Variants in YEATS2 observed in about 807,000 individuals in gnomAD.
YEATS2 encodes YEATS domain-containing protein 2.
YEATS2 carries 77 observed loss-of-function variants against 163.2 expected under a neutral mutation model. The observed-to-expected ratio is 0.47, with a 90% confidence interval of 0.39 to 0.57. The LOEUF (loss-of-function observed/expected upper bound fraction) is 0.57. Among genes scored for constraint, YEATS2 ranks in the 20% least tolerant of loss-of-function variants. YEATS2 has a pLI of 0.00. For synonymous variants in YEATS2, 631 were observed against 645.1 expected, an observed-to-expected ratio of 0.98 and a Z score of 0.33; for missense variants, 1,549 against 1,729.8, an observed-to-expected ratio of 0.90 and a Z score of 1.85.
intron 7 of YEATS2, among the ~76,000 whole-genome samples, chr3:183,734,040 C>T (rs1283324825): frequency 1.3e-5 from 2 of 152,162 alleles, no homozygotes; most frequent in Non-Finnish European, 2.9e-5. Flanking sequence ...ACCTTCGTAT[C>T]TGTTTTATTT....
At chr3:183,715,318 A>G in intron 2 of YEATS2, 56 bp downstream of exon 2, 1 of 1,230,882 alleles carries the variant, frequency 8.1e-7, no homozygotes, top group African/African-American at 1.6e-5. Context: ...TCCGCTAGAA[A>G]ACTTACAGGA....
At chr3:183,698,637 C>T (rs777690514) in intron 1 of YEATS2, among the ~76,000 whole-genome samples, 1 of 152,180 alleles carries the variant, frequency 6.6e-6, no homozygotes, top group South Asian at 2.1e-4. Flanking sequence ...AGAGAAATGC[C>T]ATCAGCAATC....
chr3:183,737,197 C>T (rs527426904), intron 8 of YEATS2, among the ~76,000 whole-genome samples: 1 of 152,168 alleles, frequency 6.6e-6, no homozygotes, highest in East Asian at 1.9e-4. Context: ...ATTGAGTAGG[C>T]TGAGGAAGAG....
In YEATS2 at chr3:183,801,444, A is replaced by G. The variant is rs375270135; in HGVS notation, c.3429-11A>G. The G allele has an allele frequency of 6.3e-7, 1 of 1,590,698 alleles. No homozygotes were observed. The highest frequency in any genetic ancestry group is 8.5e-7 in the Non-Finnish European group (1 of 1,170,112). ...TAATTTATTGCCTTAATTTTTTTTT[A>G]TCTCTCTCAGGATAGACCATTTAGA... On this transcript the variant is annotated splice_polypyrimidine_tract_variant and intron_variant, in intron 24 of 30. Transcript: ENST00000305135.
intron 1 of YEATS2, among the ~76,000 whole-genome samples, chr3:183,713,618 G>A (rs532653911): frequency 5.3e-5 from 8 of 152,180 alleles, no homozygotes; most frequent in Admixed American, 1.3e-4. Flanking sequence ...AATTCTGTAC[G>A]TGGCTCATGT....
In YEATS2 at chr3:183,786,132, A is replaced by G; in HGVS notation, c.2744A>G (p.His915Arg). The G allele has an allele frequency of 3.7e-6, 6 of 1,612,822 alleles. No homozygotes were observed. The highest frequency in any genetic ancestry group is 5.1e-6 in the Non-Finnish European group (6 of 1,178,916). The part of the protein sequence containing the change: ...QKTTLFTQAA[H>R]GGQASLMKIS... ...CCCATCTTGTTTCTGCAGGCAGCCC[A>G]TGGAGGACAGGCATCTCTAATGAAA... Residue 915 changes from histidine (H) to arginine (R), a missense_variant, in exon 20 of 31, where the codon CAT becomes CGT. His to Arg is a conservative substitution (Grantham distance 29). Coordinates refer to ENST00000305135, the MANE Select transcript of YEATS2 (RefSeq NM_018023.5).
At chr3:183,808,673 TG>T in intron 29 of YEATS2, 1 of 179,472 alleles carries the variant, frequency 5.6e-6, no homozygotes, top group Admixed American at 5.8e-5. Flanking sequence ...CTGGCCAACA[TG>T]GTGAAACCCC....
At chr3:183,789,235 T>C (rs544027071) in intron 20 of YEATS2, among the ~76,000 whole-genome samples, 1 of 152,304 alleles carries the variant, frequency 6.6e-6, no homozygotes, top group African/African-American at 2.4e-5. Flanking sequence ...TAATGTTTTC[T>C]TGTAGTAGTT....
chr3:183,765,379 A>G (rs1428549420), intron 15 of YEATS2, among the ~76,000 whole-genome samples: 1 of 152,162 alleles, frequency 6.6e-6, no homozygotes, highest in Non-Finnish European at 1.5e-5. Flanking sequence ...ATGCTGAACA[A>G]CTGTACTGAC....
At chr3:183,701,734 A>G (rs904905270) in intron 1 of YEATS2, among the ~76,000 whole-genome samples, 2 of 152,200 alleles carry the variant, frequency 1.3e-5, no homozygotes, top group Admixed American at 6.5e-5. Flanking sequence ...TTATATTTCA[A>G]TTAAAAAAGT....
intron 12 of YEATS2, among the ~76,000 whole-genome samples, chr3:183,757,364 C>T (rs989355504): frequency 6.6e-6 from 1 of 152,108 alleles, no homozygotes; most frequent in Non-Finnish European, 1.5e-5. Context: ...GATCTCGGCT[C>T]ACTGCAACCT....
At position 183,798,961 on chromosome 3, in the gene YEATS2, C is replaced by T. The variant is rs1268167565; in HGVS notation, c.3297C>T (p.Pro1099=). ...TAGCTGCCCCAACTCCAGTTGTCCC[C>T]AGCTCTGCTCCAGCAGCTGTTGCAA... ...LPVAAPTPVV[P]SSAPAAVAKV... Residue 1099 remains proline, a synonymous_variant, in exon 23 of 31, where the codon CCC becomes CCT. Coordinates refer to ENST00000305135, the MANE Select transcript of YEATS2 (RefSeq NM_018023.5). 5 of 1,614,138 alleles carry T rather than the reference C, an allele frequency of 3.1e-6. No individual in the cohort carries two copies. The South Asian group carries it at 4.4e-5, about 14-fold the overall frequency.
At chr3:183,755,914 T>C (rs1720713379) in intron 11 of YEATS2, among the ~76,000 whole-genome samples, 1 of 151,954 alleles carries the variant, frequency 6.6e-6, no homozygotes, top group Non-Finnish European at 1.5e-5. Context: ...ACCCAGCTAA[T>C]TTTGTATTTT....
chr3:183,806,706 C>T lies in YEATS2; in HGVS notation c.3785-160C>T, dbSNP rs61325631. On this transcript the variant is annotated intron_variant, in intron 27 of 30. Coordinates refer to ENST00000305135, the MANE Select transcript of YEATS2 (RefSeq NM_018023.5). Reference sequence around the variant, plus strand: ...TTATGCCTTTCTCCCTCGTGAATTACTAGTTCTCATCATTATAGATCCATA... The same window carrying T: ...TTATGCCTTTCTCCCTCGTGAATTATTAGTTCTCATCATTATAGATCCATA... The T allele has an allele frequency of 0.011, 7,430 of 683,332 alleles. 419 individuals are homozygous for T. In the African/African-American group the frequency reaches 0.12, roughly 11 times the overall value. 42.3% of individuals were successfully genotyped at this position (683,332 alleles called of 1,614,324 possible).
chr3:183,803,984 A>T lies in YEATS2; in HGVS notation c.3583-3A>T. On this transcript the variant is annotated splice_polypyrimidine_tract_variant and splice_region_variant and intron_variant, in intron 26 of 30. Transcript: ENST00000305135. ...GGTTCCAAAAGAAAATTTTTTTTTT[A>T]AGTGGCAAAGAGCAATGACAATGCG... 1.2e-6 allele frequency: 2 copies of T among 1,609,208 alleles called. No homozygotes were observed. Among genetic ancestry groups the T allele is most frequent in the Admixed American group, 1.7e-5 (1 of 58,228 alleles).
chr3:183,776,360 A>G (rs770941558), intron 18 of YEATS2, among the ~76,000 whole-genome samples: 43 of 151,876 alleles, frequency 2.8e-4, no homozygotes, highest in Non-Finnish European at 5.4e-4. Context: ...CCTGGGCAAC[A>G]TGGCAAAACC....
At chr3:183,749,954 A>T (rs1047124401) in intron 9 of YEATS2, among the ~76,000 whole-genome samples, 2 of 150,766 alleles carry the variant, frequency 1.3e-5, no homozygotes, top group African/African-American at 4.9e-5. Flanking sequence ...AGTAGCTGGG[A>T]CTACAGGCAC....
At chr3:183,741,097 C>T (rs976114730) in intron 8 of YEATS2, among the ~76,000 whole-genome samples, 14 of 151,918 alleles carry the variant, frequency 9.2e-5, no homozygotes, top group African/African-American at 3.1e-4. Context: ...TGCCACCACG[C>T]GCGGATAATT....
chr3:183,764,239 C>T (rs185808079), intron 15 of YEATS2, among the ~76,000 whole-genome samples: 2 of 151,924 alleles, frequency 1.3e-5, no homozygotes, highest in East Asian at 1.9e-4. Context: ...GACATGGTGT[C>T]GGGCTCCTGT....
Sources: allele counts gnomAD v4.1 joint callset (sites outside exome capture counted in the v4.1 genomes callset), GRCh38; gene constraint gnomAD v4.1.1; transcripts MANE v1.5; gene names NCBI Gene and HGNC (gene_info 2026-07-23, HGNC 2026-07-21).